PDE8B: variants seen among roughly 807,000 people sequenced by gnomAD.
PDE8B encodes high affinity cAMP-specific and IBMX-insensitive 3',5'-cyclic phosphodiesterase 8B.
A neutral mutation model predicts 101.3 loss-of-function variants in PDE8B; 26 were observed. The ratio of observed to expected loss-of-function variants is 0.26; its 90% CI spans 0.19 to 0.36. The LOEUF is 0.36. PDE8B is among the 10% of genes least tolerant of loss of function. The pLI, the probability that PDE8B is intolerant of heterozygous loss-of-function variation, is 1.00. For missense variants in PDE8B, 810 were observed against 1,163.1 expected, an observed-to-expected ratio of 0.70 and a Z score of 4.42; for synonymous variants, 424 against 429.3, an observed-to-expected ratio of 0.99 and a Z score of 0.15.
At chr5:77,386,945 G>A (rs769721155) in intron 10 of PDE8B, among the ~76,000 whole-genome samples, 11 of 123,736 alleles carry the variant, frequency 8.9e-5, no homozygotes, top group Middle Eastern at 4.7e-3. Context: ...CTGCAGTGGC[G>A]CAATCTCGGC....
At chr5:77,361,461 A>T (rs1021068604) in intron 10 of PDE8B, among the ~76,000 whole-genome samples, 1 of 152,014 alleles carries the variant, frequency 6.6e-6, no homozygotes, top group Non-Finnish European at 1.5e-5. Context: ...TCCTCACATC[A>T]CTGACAAATG....
chr5:77,359,933 G>A (rs1291772185), intron 10 of PDE8B, among the ~76,000 whole-genome samples: 1 of 151,820 alleles, frequency 6.6e-6, no homozygotes, highest in South Asian at 2.1e-4. Context: ...CCGTCTCTAC[G>A]AAAAATACAA....
chr5:77,235,093 G>A lies in PDE8B; in HGVS notation c.339+23829G>A, dbSNP rs34698234. On this transcript the variant is annotated intron_variant, in intron 1 of 21. Transcript: ENST00000264917. ...TCATCTCACAGAGCAGCCCCACAGA[G>A]GCCTACAATCTGTTGTTTGTCCTTG... Among the ~76,000 whole-genome samples, 437 of 152,216 alleles carry A rather than the reference G, an allele frequency of 2.9e-3. 2 individuals are homozygous for A. The highest frequency in any genetic ancestry group is 3.9e-3 in the Non-Finnish European group (267 of 68,018).
rs1487094154 is a variant in PDE8B at position 77,211,096 on chromosome 5, C to T, written c.171C>T (p.Arg57=). 3.5e-5 allele frequency: 52 copies of T among 1,491,636 alleles called. No homozygotes were observed. Among genetic ancestry groups the T allele is most frequent in the Non-Finnish European group, 4.4e-5 (50 of 1,127,292 alleles). The allele number at this position is 1,491,636 out of a possible 1,614,324, so 92.4% of individuals were successfully genotyped here. ...TDAADAIPPS[R]ASGPPSVARV... is the part of the protein sequence containing the mutation. ...CCGCCGACGCCATCCCCCCGAGCCGCGCGTCGGGACCCCCCAGCGTAGCCC... is the reference window on the plus strand; with the variant it reads ...CCGCCGACGCCATCCCCCCGAGCCGTGCGTCGGGACCCCCCAGCGTAGCCC... Residue 57 remains arginine, a synonymous_variant, in exon 1 of 22, where the codon CGC becomes CGT. Transcript: ENST00000264917. The surrounding 1 kb of genome is among the most constrained non-coding windows in gnomAD (Gnocchi z 4.1).
rs997144306 is a variant in PDE8B at position 77,219,175 on chromosome 5, G to T, written c.339+7911G>T. Among the ~76,000 whole-genome samples, 3 of 152,182 alleles carry T rather than the reference G, an allele frequency of 2.0e-5. No individual in the cohort carries two copies. In the South Asian group the frequency reaches 6.2e-4, roughly 32 times the overall value. ...TGGAATTCTTTGGTATAAACTTGTA[G>T]CCTGAAGCCTCAGTCTCTAATTGCT... On this transcript the variant is annotated intron_variant, in intron 1 of 21. Coordinates refer to ENST00000264917, the MANE Select transcript of PDE8B (RefSeq NM_003719.5).
chr5:77,160,729 C>T, the PDE8B span, among the ~76,000 whole-genome samples: 1 of 152,082 alleles, frequency 6.6e-6, no homozygotes, highest in East Asian at 1.9e-4. Context: ...TGGCTCACTG[C>T]AGCCTCAACC....
chr5:77,141,257 C>T, the PDE8B span: 3 of 152,028 alleles, frequency 2.0e-5, no homozygotes, highest in African/African-American at 4.8e-5. Context: ...AAATTAAGCA[C>T]AAAAGAGGGA....
the PDE8B span, chr5:77,141,134 C>T: frequency 6.6e-6 from 1 of 151,998 alleles, no homozygotes. Context: ...TATAACAAAG[C>T]TATAAATTTT....
intron 1 of PDE8B, among the ~76,000 whole-genome samples, chr5:77,255,385 C>G (rs78531946): frequency 0.03 from 4,550 of 152,324 alleles, 87 homozygotes; most frequent in African/African-American, 0.037. Context: ...GGGCCCTATT[C>G]TCAGAAGGGC....
chr5:77,384,732 A>G (rs1581391597), intron 10 of PDE8B, among the ~76,000 whole-genome samples: 1 of 97,608 alleles, frequency 1.0e-5, no homozygotes, highest in African/African-American at 2.7e-5. Context: ...TGAGGTAATC[A>G]TGTGGTTTTT....
At chr5:77,232,258 GT>G (rs1377895517) in intron 1 of PDE8B, among the ~76,000 whole-genome samples, 1 of 152,140 alleles carries the variant, frequency 6.6e-6, no homozygotes, top group Admixed American at 6.5e-5. Context: ...TGTAAACTTT[GT>G]TATGAAGTCT....
At chr5:77,116,224 A>ATATTTTTTT in the PDE8B span, among the ~76,000 whole-genome samples, 1 of 59,610 alleles carries the variant, frequency 1.7e-5, no homozygotes, top group African/African-American at 7.2e-5. Flanking sequence ...ATATATATAT[A>ATATTTTTTT]TTTTTTTTTT....
chr5:77,363,174 G>A (rs1039455809), intron 10 of PDE8B, among the ~76,000 whole-genome samples: 1 of 152,182 alleles, frequency 6.6e-6, no homozygotes, highest in Admixed American at 6.5e-5. Flanking sequence ...GGAGATACTA[G>A]GCTCCCCTTT....
rs1253489761 is a variant in PDE8B, at chr5:77,404,781, A to G, written c.1272A>G (p.Ser424=). 3 of 1,596,310 alleles carry G rather than the reference A, an allele frequency of 1.9e-6. No individual in the cohort carries two copies. The highest frequency in any genetic ancestry group is 1.1e-5 in the South Asian group (1 of 90,698). ...AGTCCATTGACGTGAAATCGATATC[A>G]TCTCGAGGCAGTGATGGTAAGATGT... The part of the protein sequence containing the change: ...RKESIDVKSI[S]SRGSDAPSLQ... The change falls in exon 12 of 22, where the codon TCA becomes TCG. Residue 424 remains serine, a synonymous_variant. Transcript: ENST00000264917.
chr5:77,390,175 C>T (rs370403188), intron 10 of PDE8B, among the ~76,000 whole-genome samples: 2 of 152,154 alleles, frequency 1.3e-5, no homozygotes, highest in African/African-American at 2.4e-5. Flanking sequence ...ACCCTGAAAT[C>T]ATGCACACAT....
intron 1 of PDE8B, among the ~76,000 whole-genome samples, chr5:77,234,321 C>A (rs531015140): frequency 6.6e-6 from 1 of 152,234 alleles, no homozygotes; most frequent in African/African-American, 2.4e-5. Flanking sequence ...AAGGACTGGG[C>A]AGCTCTTGAC....
chr5:77,097,389 A>G, the PDE8B span, among the ~76,000 whole-genome samples: 1 of 152,042 alleles, frequency 6.6e-6, no homozygotes, highest in African/African-American at 2.4e-5. Context: ...GTTGGAAGAT[A>G]GTTTGATGAA....
chr5:77,174,870 C>T, the PDE8B span, among the ~76,000 whole-genome samples: 1 of 152,148 alleles, frequency 6.6e-6, no homozygotes, highest in African/African-American at 2.4e-5. Context: ...CCTGACCTGT[C>T]TACTGAGCTC....
the PDE8B span, among the ~76,000 whole-genome samples, chr5:77,195,706 A>T: frequency 6.6e-6 from 1 of 152,164 alleles, no homozygotes; most frequent in Non-Finnish European, 1.5e-5. Context: ...TGCATGTTAT[A>T]TATATTATAT....
Sources: allele counts gnomAD v4.1 joint callset (sites outside exome capture counted in the v4.1 genomes callset), GRCh38; gene constraint gnomAD v4.1.1; non-coding constraint Gnocchi (gnomAD v3.1); transcripts MANE v1.5; gene names NCBI Gene and HGNC (gene_info 2026-07-23, HGNC 2026-07-21).